Variants in NNT observed in about 807,000 individuals in gnomAD.
NNT encodes NAD(P) transhydrogenase, mitochondrial.
Under a neutral mutation model 104.8 loss-of-function variants are expected in NNT, and 50 were observed. The ratio of observed to expected loss-of-function variants is 0.48; its 90% CI spans 0.38 to 0.60. The LOEUF is 0.60. NNT is among the 20% of genes least tolerant of loss of function. The probability of loss-of-function intolerance (pLI) is 0.00; values close to 1 mark genes in which losing one functional copy is unlikely to be tolerated. For missense variants in NNT, 1,131 were observed against 1,330.7 expected (o/e 0.85, Z 2.33); for synonymous variants, 461 against 490.4 (o/e 0.94, Z 0.79).
chr5:43,640,763 G>A (rs1000562235), intron 7 of NNT, among the ~76,000 whole-genome samples: 1 of 150,500 alleles, frequency 6.6e-6, no homozygotes, highest in African/African-American at 2.4e-5. Flanking sequence ...ATTTCTGTGA[G>A]CTTTTCATCA....
At chr5:43,615,112 C>T (rs1251020040) in intron 3 of NNT, among the ~76,000 whole-genome samples, 1 of 151,634 alleles carries the variant, frequency 6.6e-6, no homozygotes, top group African/African-American at 2.4e-5. Context: ...AGTCCGCAGT[C>T]CGGCCTGGGC....
intron 19 of NNT, among the ~76,000 whole-genome samples, chr5:43,699,728 G>A (rs34435369): frequency 0.037 from 5,702 of 152,174 alleles, 218 homozygotes; most frequent in East Asian, 0.2. Flanking sequence ...TTGATTTTTC[G>A]TGGGAAACAT....
intron 17 of NNT, among the ~76,000 whole-genome samples, chr5:43,669,217 C>T (rs1450771957): frequency 6.6e-6 from 1 of 152,126 alleles, no homozygotes; most frequent in Non-Finnish European, 1.5e-5. Context: ...ACAATCATGT[C>T]ATCTGCAAAC....
intron 11 of NNT, among the ~76,000 whole-genome samples, chr5:43,649,723 G>T (rs1430778815): frequency 6.6e-6 from 1 of 152,126 alleles, no homozygotes; most frequent in South Asian, 2.1e-4. Flanking sequence ...GCCCCATGTG[G>T]CATCAGGTTC....
rs146246544 is a variant in NNT at position 43,649,247 on chromosome 5, C to T, written c.1545C>T (p.Thr515=). ...TGGCTGGCATTGTGGGGTATCATAC[C>T]GTCTGGGGAGTGACCCCTGCTCTCC... The part of the protein sequence containing the change: ...FGLAGIVGYH[T]VWGVTPALHS... The change falls in exon 11 of 22, where the codon ACC becomes ACT. Residue 515 remains threonine, a synonymous_variant. Coordinates refer to ENST00000344920, the MANE Select transcript of NNT (RefSeq NM_182977.3). The T allele has an allele frequency of 8.6e-5, 139 of 1,614,026 alleles. No individual in the cohort carries two copies. In the African/African-American group the frequency reaches 9.5e-4, roughly 11 times the overall value.
intron 21 of NNT, among the ~76,000 whole-genome samples, chr5:43,703,043 G>C (rs376365419): frequency 6.6e-6 from 1 of 152,174 alleles, no homozygotes; most frequent in African/African-American, 2.4e-5. Flanking sequence ...ATTCCAGATC[G>C]AGTCCTGTGA....
At chr5:43,638,774 G>C (rs1248817971) in intron 7 of NNT, among the ~76,000 whole-genome samples, 1 of 150,960 alleles carries the variant, frequency 6.6e-6, no homozygotes, top group Non-Finnish European at 1.5e-5. Flanking sequence ...GATGCTGAAT[G>C]CTCCTTGGAA....
intron 21 of NNT, among the ~76,000 whole-genome samples, chr5:43,703,495 G>T (rs1742963969): frequency 6.6e-6 from 1 of 152,128 alleles, no homozygotes; most frequent in Admixed American, 6.6e-5. Flanking sequence ...CAATATTTGA[G>T]AATTTGTAGA....
chr5:43,632,145 A>C (rs1470691926), intron 7 of NNT, among the ~76,000 whole-genome samples: 4 of 152,202 alleles, frequency 2.6e-5, no homozygotes, highest in African/African-American at 9.7e-5. Context: ...TTGGAAAACA[A>C]TATCCTTGGC....
intron 17 of NNT, among the ~76,000 whole-genome samples, chr5:43,664,775 C>T (rs1376830405): frequency 2.0e-5 from 3 of 152,108 alleles, no homozygotes; most frequent in Non-Finnish European, 4.4e-5. Context: ...CAAAACAAAA[C>T]CATAAATGCT....
In NNT at chr5:43,646,212, A is replaced by C. The variant is rs1739418862; in HGVS notation, c.1444+702A>C. 2.0e-5 allele frequency among the ~76,000 whole-genome samples: 3 copies of C among 152,210 alleles called. No homozygotes were observed. The South Asian group carries it at 6.2e-4, about 32-fold the overall frequency. Reference sequence around the variant, plus strand: ...TACTGGAATGAAAGCATGTGAAATAATATGCAGACAATAAACATTTTTCCT... The same window carrying C: ...TACTGGAATGAAAGCATGTGAAATACTATGCAGACAATAAACATTTTTCCT... On this transcript the variant is annotated intron_variant, in intron 10 of 21. Coordinates refer to ENST00000344920, the MANE Select transcript of NNT (RefSeq NM_182977.3).
chr5:43,664,858 C>T (rs1740547113), intron 17 of NNT, among the ~76,000 whole-genome samples: 1 of 152,192 alleles, frequency 6.6e-6, no homozygotes, highest in African/African-American at 2.4e-5. Flanking sequence ...TAAGAGACCA[C>T]ATGGAATTGT....
chr5:43,653,377 C>A, intron 14 of NNT, 164 bp downstream of exon 14: 1 of 630,550 alleles, frequency 1.6e-6, no homozygotes, highest in Non-Finnish European at 2.7e-6. Context: ...CATTCAAATA[C>A]ATTTTAGAAC....
At chr5:43,672,993 C>T (rs186887350) in intron 17 of NNT, among the ~76,000 whole-genome samples, 2 of 152,288 alleles carry the variant, frequency 1.3e-5, no homozygotes, top group East Asian at 3.9e-4. Context: ...GTGGGCGTCC[C>T]TCCCCCAGCC....
intron 1 of NNT, among the ~76,000 whole-genome samples, chr5:43,607,073 G>C (rs1161000926): frequency 6.6e-6 from 1 of 151,472 alleles, no homozygotes; most frequent in Non-Finnish European, 1.5e-5. Flanking sequence ...GCATGATCTC[G>C]GCTCACTGCA....
chr5:43,663,411 C>G (rs1740475100), intron 17 of NNT, among the ~76,000 whole-genome samples: 1 of 152,168 alleles, frequency 6.6e-6, no homozygotes, highest in Non-Finnish European at 1.5e-5. Context: ...GATCTCTACT[C>G]CTAGGCATTG....
chr5:43,698,385 A>G (rs1266824370), intron 19 of NNT, among the ~76,000 whole-genome samples: 6 of 151,782 alleles, frequency 4.0e-5, no homozygotes, highest in Non-Finnish European at 5.9e-5. Context: ...TCATATCTCA[A>G]AGATGTTCAT....
chr5:43,701,125 A>G (rs1344935360), intron 20 of NNT, among the ~76,000 whole-genome samples: 2 of 152,052 alleles, frequency 1.3e-5, no homozygotes, highest in African/African-American at 4.8e-5. Flanking sequence ...CTTTTATTGT[A>G]GATTCAGGGG....
At chr5:43,625,190 T>C (rs142438037) in intron 6 of NNT, among the ~76,000 whole-genome samples, 1 of 151,618 alleles carries the variant, frequency 6.6e-6, no homozygotes, top group African/African-American at 2.4e-5. Context: ...TAAGTTTTCA[T>C]TGTAGTGGAC....
Sources: gnomAD v4.1 joint callset for allele counts (sites outside exome capture counted in the v4.1 genomes callset) on GRCh38, gnomAD v4.1.1 for gene constraint, MANE v1.5 for transcripts, NCBI Gene and HGNC (gene_info 2026-07-23, HGNC 2026-07-21) for gene names.